Variants in CENPK observed in about 807,000 individuals in gnomAD.
CENPK encodes centromere protein K.
A neutral mutation model predicts 40.9 loss-of-function variants in CENPK; 46 were observed. That is an observed-to-expected ratio of 1.13 (90% CI 0.89 to 1.44). CENPK has a LOEUF of 1.44. Ranked by LOEUF, CENPK falls within the 40% of genes most tolerant of loss-of-function variation. The pLI, the probability that CENPK is intolerant of heterozygous loss-of-function variation, is 0.00. For missense variants in CENPK, 288 were observed against 303.5 expected, an observed-to-expected ratio of 0.95 and a Z score of 0.38; for synonymous variants, 107 against 104.4, an observed-to-expected ratio of 1.02 and a Z score of -0.15.
At chr5:65,514,390 G>A (rs529923479), downstream of CENPK, among the ~76,000 whole-genome samples, 30 of 151,314 alleles carry the variant, frequency 2.0e-4, no homozygotes, top group African/African-American at 7.3e-4. Flanking sequence ...TCAGCCTCCC[G>A]AGTAGCTGGG....
intron 6 of CENPK, among the ~76,000 whole-genome samples, chr5:65,536,138 A>G (rs1444514765): frequency 1.3e-5 from 2 of 152,162 alleles, no homozygotes; most frequent in Non-Finnish European, 2.9e-5. Flanking sequence ...AGCTAAAATG[A>G]AAGTTTTTGG....
intron 6 of CENPK, among the ~76,000 whole-genome samples, chr5:65,530,661 T>C (rs955224175): frequency 1.3e-5 from 2 of 152,168 alleles, no homozygotes; most frequent in Non-Finnish European, 2.9e-5. Context: ...AAAGTAACTA[T>C]GAAAACAAAG....
At chr5:65,551,251 A>G (rs1226897286) in intron 5 of CENPK, 1 of 180,968 alleles carries the variant, frequency 5.5e-6, no homozygotes, top group African/African-American at 2.7e-5. Flanking sequence ...CCCTGTCTCA[A>G]AAAAAAAAAA....
At chr5:65,546,235 C>G (rs1021797893) in intron 5 of CENPK, among the ~76,000 whole-genome samples, 16 of 151,498 alleles carry the variant, frequency 1.1e-4, no homozygotes, top group Admixed American at 6.6e-4. Context: ...CCTGCCCCCC[C>G]GCTCAGGTGA....
chr5:65,552,605 C>T, intron 3 of CENPK, 56 bp from the exon 4 acceptor site: 1 of 1,038,856 alleles, frequency 9.6e-7, no homozygotes, highest in East Asian at 2.6e-5. Flanking sequence ...CAGAAAATTC[C>T]CTTCCCCTCT....
chr5:65,502,524 TC>T, the CENPK span, among the ~76,000 whole-genome samples: 1 of 152,244 alleles, frequency 6.6e-6, no homozygotes, highest in Non-Finnish European at 1.5e-5. Flanking sequence ...TAAAACATTT[TC>T]AAAATATTTA....
At chr5:65,532,910 C>CAAAAA (rs60713724) in intron 6 of CENPK, among the ~76,000 whole-genome samples, 4,648 of 36,950 alleles carry the variant, frequency 0.13, 1,270 homozygotes, top group Admixed American at 0.17. Flanking sequence ...ACTCCATCTC[C>CAAAAA]AAAAAAAAAA....
At chr5:65,533,118 G>T (rs1481796617) in intron 6 of CENPK, among the ~76,000 whole-genome samples, 1 of 151,842 alleles carries the variant, frequency 6.6e-6, no homozygotes, top group Non-Finnish European at 1.5e-5. Flanking sequence ...TCAGCACTTT[G>T]GGAGGCCGAG....
intron 9 of CENPK, among the ~76,000 whole-genome samples, chr5:65,526,983 C>T (rs1466498055): frequency 6.6e-6 from 1 of 152,066 alleles, no homozygotes; most frequent in Non-Finnish European, 1.5e-5. Flanking sequence ...GTCCCATCTA[C>T]TCAGGAGGCT....
At chr5:65,531,197 A>G (rs558788824) in intron 6 of CENPK, among the ~76,000 whole-genome samples, 2 of 152,150 alleles carry the variant, frequency 1.3e-5, no homozygotes, top group Admixed American at 1.3e-4. Context: ...TCAATAACAT[A>G]GCTTTCAATG....
intron 6 of CENPK, among the ~76,000 whole-genome samples, chr5:65,534,232 A>C (rs1257585523): frequency 6.6e-6 from 1 of 152,136 alleles, no homozygotes; most frequent in Non-Finnish European, 1.5e-5. Flanking sequence ...TGGGGACCTA[A>C]ATAAATACAA....
the CENPK span, among the ~76,000 whole-genome samples, chr5:65,499,267 A>G: frequency 6.8e-6 from 1 of 147,666 alleles, no homozygotes; most frequent in South Asian, 2.2e-4. Context: ...TTTCCCCCTC[A>G]TTCCTAAGGG....
chr5:65,556,749 C>T (rs1318565245), intron 2 of CENPK, among the ~76,000 whole-genome samples: 1 of 152,216 alleles, frequency 6.6e-6, no homozygotes, highest in African/African-American at 2.4e-5. Flanking sequence ...TCTAGAGCAA[C>T]TTCTAGTCCT....
At chr5:65,549,595 G>T (rs892449701) in intron 5 of CENPK, among the ~76,000 whole-genome samples, 1 of 152,162 alleles carries the variant, frequency 6.6e-6, no homozygotes, top group Non-Finnish European at 1.5e-5. Context: ...TGGATAACTT[G>T]TTGACGCTTC....
intron 6 of CENPK, among the ~76,000 whole-genome samples, chr5:65,537,678 G>GT (rs1302411571): frequency 7.2e-5 from 11 of 152,260 alleles, no homozygotes; most frequent in East Asian, 1.9e-4. Context: ...TAAGACAGCA[G>GT]TTTTTTGTGG....
chr5:65,558,554 A>T (rs1751375115), intron 2 of CENPK, among the ~76,000 whole-genome samples: 1 of 152,256 alleles, frequency 6.6e-6, no homozygotes, highest in Non-Finnish European at 1.5e-5. Context: ...GGAAGAAAGT[A>T]CTGCGAGTTT....
chr5:65,517,169 C>T (rs1486981374), downstream of CENPK, among the ~76,000 whole-genome samples: 7 of 152,154 alleles, frequency 4.6e-5, no homozygotes, highest in Non-Finnish European at 1.0e-4. Flanking sequence ...TCTCGAACTC[C>T]TGACCTCAAG....
chr5:65,509,747 T>C, the CENPK span, among the ~76,000 whole-genome samples: 1 of 152,240 alleles, frequency 6.6e-6, no homozygotes, highest in Admixed American at 6.5e-5. Context: ...TGGAAGGTTT[T>C]TGGTAACCCT....
intron 6 of CENPK, among the ~76,000 whole-genome samples, chr5:65,539,785 A>G (rs916011132): frequency 6.6e-6 from 1 of 152,242 alleles, no homozygotes; most frequent in Non-Finnish European, 1.5e-5. Context: ...TTTAAAACCC[A>G]GGTGGAACCA....
Sources: allele counts gnomAD v4.1 joint callset (sites outside exome capture counted in the v4.1 genomes callset), GRCh38; gene constraint gnomAD v4.1.1; transcripts MANE v1.5; gene names NCBI Gene and HGNC (gene_info 2026-07-23, HGNC 2026-07-21).